Variants in KCNMB2 observed in about 807,000 individuals in gnomAD.
The protein encoded by KCNMB2 is potassium calcium-activated channel subfamily M regulatory beta subunit 2.
Under a neutral mutation model 24.5 loss-of-function variants are expected in KCNMB2, and 9 were observed. That is an observed-to-expected ratio of 0.37 (90% confidence interval 0.22 to 0.64). The LOEUF is 0.64. KCNMB2 is among the 30% of genes least tolerant of loss of function. The pLI, the probability that KCNMB2 is intolerant of heterozygous loss-of-function variation, is 0.63. For missense variants in KCNMB2, 226 were observed against 284.3 expected (o/e 0.79, Z 1.47); for synonymous variants, 109 against 104.4 (o/e 1.04, Z -0.27).
chr3:178,703,956 A>T (rs1250241135), intron 1 of KCNMB2, among the ~76,000 whole-genome samples: 1 of 152,192 alleles, frequency 6.6e-6, no homozygotes, highest in Non-Finnish European at 1.5e-5. Flanking sequence ...AAAATTCAAG[A>T]GTCAGGTCTG....
At chr3:178,636,293 T>G (rs376401771) in intron 1 of KCNMB2, among the ~76,000 whole-genome samples, 43 of 152,294 alleles carry the variant, frequency 2.8e-4, no homozygotes, top group African/African-American at 9.4e-4. Context: ...ACAAATATAA[T>G]GCAGTGTATA....
intron 1 of KCNMB2, among the ~76,000 whole-genome samples, chr3:178,661,192 G>A (rs1227634465): frequency 6.7e-6 from 1 of 148,726 alleles, no homozygotes; most frequent in East Asian, 2.0e-4. Flanking sequence ...CTGTGTCCAT[G>A]TGTTCTCATT....
intron 1 of KCNMB2, among the ~76,000 whole-genome samples, chr3:178,717,941 G>A (rs1321550762): frequency 6.6e-6 from 1 of 151,432 alleles, no homozygotes; most frequent in East Asian, 1.9e-4. Context: ...AATCTGAAGT[G>A]AGATCACCAT....
intron 1 of KCNMB2, among the ~76,000 whole-genome samples, chr3:178,646,627 C>T (rs1447457621): frequency 6.6e-6 from 1 of 152,188 alleles, no homozygotes; most frequent in Non-Finnish European, 1.5e-5. Flanking sequence ...CCTTTCCGAC[C>T]AGCAGGTCTG....
At chr3:178,680,852 G>A (rs1055980896) in intron 1 of KCNMB2, among the ~76,000 whole-genome samples, 7 of 152,098 alleles carry the variant, frequency 4.6e-5, no homozygotes, top group South Asian at 4.1e-4. Flanking sequence ...TCTTAGGAAC[G>A]GGGCCCCCAG....
chr3:178,757,232 G>T (rs527877483), intron 1 of KCNMB2: 8 of 143,510 alleles, frequency 5.6e-5, no homozygotes, highest in Non-Finnish European at 1.1e-4. Flanking sequence ...GAAAATTGTG[G>T]TACACACATA....
chr3:178,708,893 G>T (rs559673310), intron 1 of KCNMB2, among the ~76,000 whole-genome samples: 1 of 152,126 alleles, frequency 6.6e-6, no homozygotes, highest in South Asian at 2.1e-4. Context: ...TTTACCAATG[G>T]GTGAGTAAAA....
chr3:178,588,866 T>C (rs1418001343), intron 1 of KCNMB2, among the ~76,000 whole-genome samples: 1 of 152,130 alleles, frequency 6.6e-6, no homozygotes, highest in Non-Finnish European at 1.5e-5. Context: ...CAAAGGACTA[T>C]TGTAAGTAAT....
Position 178,779,947 on chromosome 3 carries a change from A to G in KCNMB2, c.-67-27396A>G, listed in dbSNP as rs181387777. Reference sequence around the variant, plus strand: ...GTTTCCCAGTGCTTTAGTTAATAAAAGAAATATAGGATAAATGATGGATTC... The same window carrying G: ...GTTTCCCAGTGCTTTAGTTAATAAAGGAAATATAGGATAAATGATGGATTC... On this transcript the variant is annotated intron_variant, in intron 1 of 4. Coordinates refer to ENST00000452583, the MANE Select transcript of KCNMB2 (RefSeq NM_181361.3). 2.0e-5 allele frequency among the ~76,000 whole-genome samples: 3 copies of G among 152,206 alleles called. No homozygotes were observed. In the East Asian group the frequency reaches 5.8e-4, roughly 29 times the overall value.
chr3:178,833,604 T>C (rs1020614562), intron 4 of KCNMB2, among the ~76,000 whole-genome samples: 1 of 152,084 alleles, frequency 6.6e-6, no homozygotes, highest in African/African-American at 2.4e-5. Flanking sequence ...AAAATAATGG[T>C]CTCCCTCACA....
At chr3:178,705,681 G>A (rs772847154) in intron 1 of KCNMB2, among the ~76,000 whole-genome samples, 17 of 152,126 alleles carry the variant, frequency 1.1e-4, no homozygotes, top group Non-Finnish European at 1.8e-4. Flanking sequence ...ATAGTTGTCT[G>A]TAAGAGCCTT....
intron 1 of KCNMB2, among the ~76,000 whole-genome samples, chr3:178,681,720 A>T (rs1013411080): frequency 6.6e-6 from 1 of 152,204 alleles, no homozygotes; most frequent in Non-Finnish European, 1.5e-5. Context: ...TTGCCACTCA[A>T]TGGATTCAGA....
chr3:178,637,837 C>T (rs1302503543), intron 1 of KCNMB2, among the ~76,000 whole-genome samples: 1 of 152,164 alleles, frequency 6.6e-6, no homozygotes, highest in Non-Finnish European at 1.5e-5. Context: ...GGACATGTTC[C>T]TACTTGGGTG....
intron 1 of KCNMB2, among the ~76,000 whole-genome samples, chr3:178,577,660 T>C (rs1717045605): frequency 6.6e-6 from 1 of 152,066 alleles, no homozygotes; most frequent in Admixed American, 6.6e-5. Context: ...AATAACCAGT[T>C]TAGAGAAGAA....
chr3:178,571,032 T>A (rs1716759948), intron 1 of KCNMB2, among the ~76,000 whole-genome samples: 1 of 152,224 alleles, frequency 6.6e-6, no homozygotes, highest in Admixed American at 6.5e-5. Flanking sequence ...GTAAACATTT[T>A]GTACTGTTTC....
chr3:178,711,547 A>G (rs1408018550), intron 1 of KCNMB2, among the ~76,000 whole-genome samples: 1 of 152,148 alleles, frequency 6.6e-6, no homozygotes, highest in African/African-American at 2.4e-5. Flanking sequence ...AGAACGCAGG[A>G]TAAGAACCAA....
At chr3:178,753,991 TATAA>T (rs1220699532) in intron 1 of KCNMB2, among the ~76,000 whole-genome samples, 1 of 151,678 alleles carries the variant, frequency 6.6e-6, no homozygotes, top group African/African-American at 2.4e-5. Context: ...TCTCTGCTTC[TATAA>T]ATTCAATGTT....
At chr3:178,648,564 CA>C (rs1291934720) in intron 1 of KCNMB2, among the ~76,000 whole-genome samples, 1 of 151,632 alleles carries the variant, frequency 6.6e-6, no homozygotes, top group African/African-American at 2.4e-5. Flanking sequence ...CAAAACAAAA[CA>C]AAAACATAAA....
intron 2 of KCNMB2, among the ~76,000 whole-genome samples, chr3:178,810,608 C>T (rs1714148077): frequency 6.6e-6 from 1 of 152,096 alleles, no homozygotes; most frequent in Non-Finnish European, 1.5e-5. Context: ...TTTTTCTGAT[C>T]ATCTTCTATA....
Sources: gnomAD v4.1 joint callset for allele counts (sites outside exome capture counted in the v4.1 genomes callset) on GRCh38, gnomAD v4.1.1 for gene constraint, MANE v1.5 for transcripts, NCBI Gene and HGNC (gene_info 2026-07-23, HGNC 2026-07-21) for gene names.